SHLD1: variants seen among roughly 807,000 people sequenced by gnomAD.
The protein encoded by SHLD1 is RINN1-REV7-interacting novel NHEJ regulator 3.
In SHLD1, 3 loss-of-function variants were observed where a neutral mutation model predicts 5.5. The observed-to-expected ratio is 0.54, with a 90% CI of 0.25 to 1.40. The LOEUF (loss-of-function observed/expected upper bound fraction) is 1.40, where lower values mean the gene tolerates loss of function less well. Ranked by LOEUF, SHLD1 falls within the 40% of genes most tolerant of loss-of-function variation. The probability of loss-of-function intolerance (pLI) is 0.15; values close to 1 mark genes in which losing one functional copy is unlikely to be tolerated. For synonymous variants in SHLD1, 92 were observed against 94.3 expected, an observed-to-expected ratio of 0.98 and a Z score of 0.14; for missense variants, 210 against 244.4, an observed-to-expected ratio of 0.86 and a Z score of 0.94.
intron 2 of SHLD1, among the ~76,000 whole-genome samples, chr20:5,784,680 G>A (rs1191796950): frequency 6.6e-6 from 1 of 152,100 alleles, no homozygotes; most frequent in Non-Finnish European, 1.5e-5. Context: ...TCGATCGCCT[G>A]ACCTTGTGAT....
intron 2 of SHLD1, among the ~76,000 whole-genome samples, chr20:5,774,588 G>A (rs1985340973): frequency 6.6e-6 from 1 of 152,136 alleles, no homozygotes; most frequent in Non-Finnish European, 1.5e-5. Flanking sequence ...CATCAATCAG[G>A]GCGGAAGGCA....
At chr20:5,818,412 G>A (rs929930843) in intron 2 of SHLD1, among the ~76,000 whole-genome samples, 2 of 152,170 alleles carry the variant, frequency 1.3e-5, no homozygotes, top group African/African-American at 4.8e-5. Flanking sequence ...TAGCAGAAGG[G>A]CAAATTTGGT....
intron 2 of SHLD1, among the ~76,000 whole-genome samples, chr20:5,782,650 G>A (rs1158714998): frequency 6.6e-6 from 1 of 152,146 alleles, no homozygotes; most frequent in Non-Finnish European, 1.5e-5. Context: ...GTGATTTAAT[G>A]CACCTTTAGT....
intron 2 of SHLD1, among the ~76,000 whole-genome samples, chr20:5,843,212 C>A (rs901781362): frequency 2.0e-4 from 31 of 151,902 alleles, no homozygotes; most frequent in Non-Finnish European, 1.5e-5. Flanking sequence ...AAATAGCTGG[C>A]TTAGAGGTTT....
In SHLD1 at chr20:5,863,760, T is replaced by G; in HGVS notation, c.*297T>G. The G allele has an allele frequency of 2.9e-6, 1 of 340,162 alleles. No homozygotes were observed. Among genetic ancestry groups the G allele is most frequent in the East Asian group, 5.4e-5 (1 of 18,612 alleles). The allele number at this position is 340,162 out of a possible 1,614,324, so 21.1% of individuals were successfully genotyped here. On this transcript the variant is annotated 3_prime_UTR_variant, in exon 3 of 3. Coordinates refer to ENST00000303142, the MANE Select transcript of SHLD1 (RefSeq NM_152504.4). ...GGAAGGACATTCTCTGAGGAGTAAT[T>G]TATGCTCTAGCACTCCCTTTCCTCT... is the stretch of plus-strand genomic sequence containing the variant.
chr20:5,783,190 C>G (rs1449368856), intron 2 of SHLD1, among the ~76,000 whole-genome samples: 1 of 152,168 alleles, frequency 6.6e-6, no homozygotes, highest in Non-Finnish European at 1.5e-5. Flanking sequence ...CAGTGCTTCT[C>G]TGCTTTTGTT....
At chr20:5,829,014 C>T (rs962220879) in intron 2 of SHLD1, among the ~76,000 whole-genome samples, 1 of 152,150 alleles carries the variant, frequency 6.6e-6, no homozygotes, top group South Asian at 2.1e-4. Context: ...GCCGAGACTA[C>T]AGGCATGCAC....
intron 2 of SHLD1, among the ~76,000 whole-genome samples, chr20:5,778,185 C>T (rs374932754): frequency 8.2e-5 from 12 of 146,366 alleles, no homozygotes; most frequent in Admixed American, 2.8e-4. Context: ...GGCGCGATCT[C>T]GGCTCACTGC....
At chr20:5,856,505 C>T (rs977702411) in intron 2 of SHLD1, among the ~76,000 whole-genome samples, 22 of 149,306 alleles carry the variant, frequency 1.5e-4, no homozygotes, top group Admixed American at 5.3e-4. Flanking sequence ...AAAAGTGAGG[C>T]GTGGAGCAGG....
chr20:5,815,491 C>T (rs1451519566), intron 2 of SHLD1, among the ~76,000 whole-genome samples: 1 of 152,214 alleles, frequency 6.6e-6, no homozygotes, highest in Non-Finnish European at 1.5e-5. Flanking sequence ...AGCCTCTGGC[C>T]TGTGGACCAA....
chr20:5,757,926 A>G (rs1984212770), intron 1 of SHLD1, among the ~76,000 whole-genome samples: 1 of 152,206 alleles, frequency 6.6e-6, no homozygotes, highest in Non-Finnish European at 1.5e-5. Context: ...TTCAAATGTT[A>G]AAACAACTTT....
Position 5,840,886 on chromosome 20 carries a change from G to A in SHLD1, c.179-22138G>A, listed in dbSNP as rs144656608. 3.3e-3 allele frequency among the ~76,000 whole-genome samples: 495 copies of A among 151,058 alleles called. 2 individuals are homozygous for A. The highest frequency in any genetic ancestry group is 0.011 in the African/African-American group (460 of 40,808). On this transcript the variant is annotated intron_variant, in intron 2 of 2. Transcript: ENST00000303142. ...TGTAATAAGGTAAGGCATTTAAAGTGCTTAGAACATTATCTGGATTGCTAT... is the reference window on the plus strand; with the variant it reads ...TGTAATAAGGTAAGGCATTTAAAGTACTTAGAACATTATCTGGATTGCTAT...
At chr20:5,755,534 A>G (rs1216391652) in intron 1 of SHLD1, among the ~76,000 whole-genome samples, 1 of 151,934 alleles carries the variant, frequency 6.6e-6, no homozygotes, top group Non-Finnish European at 1.5e-5. Flanking sequence ...GGGCTACTGT[A>G]GTAAGGGAAG....
chr20:5,814,143 A>C (rs1314315357), intron 2 of SHLD1, among the ~76,000 whole-genome samples: 1 of 150,744 alleles, frequency 6.6e-6, no homozygotes, highest in Non-Finnish European at 1.5e-5. Flanking sequence ...TTTTGTAGAG[A>C]TGGGGTTTCT....
In SHLD1 at chr20:5,787,370, G is replaced by C. The variant is rs2087074113; in HGVS notation, c.178+14327G>C. 2.0e-5 allele frequency among the ~76,000 whole-genome samples: 3 copies of C among 152,278 alleles called. No individual in the cohort carries two copies. The South Asian group carries it at 6.2e-4, about 32-fold the overall frequency. ...TGGTGCCAGAACTCTTCTTATTCTT[G>C]GCTCTTTGCCCTTGAAGTTGCTGTT... On this transcript the variant is annotated intron_variant, in intron 2 of 2. Coordinates refer to ENST00000303142, the MANE Select transcript of SHLD1 (RefSeq NM_152504.4).
intron 2 of SHLD1, among the ~76,000 whole-genome samples, chr20:5,843,695 T>A (rs1007024481): frequency 1.3e-5 from 2 of 152,240 alleles, no homozygotes; most frequent in African/African-American, 4.8e-5. Context: ...TCAAACATTT[T>A]AAAAGATTTT....
chr20:5,854,738 T>C (rs1347053541), intron 2 of SHLD1, among the ~76,000 whole-genome samples: 1 of 152,202 alleles, frequency 6.6e-6, no homozygotes, highest in Admixed American at 6.5e-5. Context: ...TCATTTGTAT[T>C]GTTGTCAACC....
At chr20:5,798,581 C>G (rs1301180809) in intron 2 of SHLD1, among the ~76,000 whole-genome samples, 5 of 145,264 alleles carry the variant, frequency 3.4e-5, no homozygotes, top group African/African-American at 1.3e-4. Flanking sequence ...GGATTACAGG[C>G]GTAAGCCACT....
At chr20:5,811,701 T>A (rs2087460346) in intron 2 of SHLD1, among the ~76,000 whole-genome samples, 1 of 151,912 alleles carries the variant, frequency 6.6e-6, no homozygotes, top group East Asian at 1.9e-4. Flanking sequence ...CAAAAAAATT[T>A]AAAAATTAGC....
Sources: allele counts gnomAD v4.1 joint callset (sites outside exome capture counted in the v4.1 genomes callset), GRCh38; gene constraint gnomAD v4.1.1; transcripts MANE v1.5; gene names NCBI Gene and HGNC (gene_info 2026-07-23, HGNC 2026-07-21).